COX7B2: variants seen among roughly 807,000 people sequenced by gnomAD.
COX7B2 encodes cytochrome c oxidase subunit 7B2.
For synonymous variants in COX7B2, 37 were observed against 32.1 expected, an observed-to-expected ratio of 1.15 and a Z score of -0.51; for missense variants, 109 against 95.9, an observed-to-expected ratio of 1.14 and a Z score of -0.57.
intron 2 of COX7B2, among the ~76,000 whole-genome samples, chr4:46,800,485 C>T (rs1360551769): frequency 6.6e-6 from 1 of 151,956 alleles, no homozygotes; most frequent in Non-Finnish European, 1.5e-5. Context: ...AACAAATCAT[C>T]AATAAAAAAC....
At position 46,905,814 on chromosome 4, in the gene COX7B2, C is replaced by CTTTTTT. The variant is rs761904309; in HGVS notation, c.-105+3340_-105+3345dup. On this transcript the variant is annotated intron_variant, in intron 1 of 2. Transcript: ENST00000355591. ...TACCATCTCTGATAAGCATATATTT[C>CTTTTTT]TTTTTTTTTTTTTTTTTTTTTTTTT... is the stretch of plus-strand genomic sequence containing the variant. Among the ~76,000 whole-genome samples, 285 of 71,688 alleles carry CTTTTTT rather than the reference C, an allele frequency of 4.0e-3. 55 individuals carry two copies. Among genetic ancestry groups the CTTTTTT allele is most frequent in the East Asian group, 0.037 (78 of 2,082 alleles). 47.0% of individuals were successfully genotyped at this position (71,688 alleles called of 152,430 possible). A position where few individuals can be genotyped will look rare whatever the true frequency, so the allele number is the denominator to read the frequency against.
chr4:46,759,195 T>A (rs900216596), intron 2 of COX7B2, among the ~76,000 whole-genome samples: 11 of 152,162 alleles, frequency 7.2e-5, no homozygotes, highest in Admixed American at 3.3e-4. Flanking sequence ...GAGGAGCTCA[T>A]GGACAAAAGT....
chr4:46,772,697 C>T (rs1716942891), intron 2 of COX7B2, among the ~76,000 whole-genome samples: 1 of 151,812 alleles, frequency 6.6e-6, no homozygotes, highest in African/African-American at 2.4e-5. Flanking sequence ...AATCTAGTAC[C>T]TGATTCTCAT....
chr4:46,885,634 C>T lies in COX7B2; in HGVS notation c.-105+23526G>A, dbSNP rs115617274. On this transcript the variant is annotated intron_variant, in intron 1 of 2. Transcript: ENST00000355591. ...AGACATAAATATGAACAAGATACAA[C>T]CTTTCTCTTCAACAATTTAAAAATC... Among the ~76,000 whole-genome samples, 399 of 152,218 alleles carry T rather than the reference C, an allele frequency of 2.6e-3. 1 individual carries two copies. The highest frequency in any genetic ancestry group is 9.1e-3 in the African/African-American group (378 of 41,562).
chr4:46,841,335 CTGTGTGTG>C lies in COX7B2; in HGVS notation c.-50+3617_-50+3624del, dbSNP rs145768502. ...AAAGAGCCCACTTACCAAATGTGCT[CTGTGTGTG>C]TGTGTGTGTGTGTGTGTGTGTGTGT... On this transcript the variant is annotated intron_variant, in intron 2 of 2. Transcript: ENST00000355591. Among the ~76,000 whole-genome samples, 508 of 139,882 alleles carry C rather than the reference CTGTGTGTG, an allele frequency of 3.6e-3. 2 individuals carry two copies. The highest frequency in any genetic ancestry group is 0.01 in the African/African-American group (384 of 37,306). The allele number at this position is 139,882 out of a possible 152,430, so 91.8% of individuals were successfully genotyped here. A position where few individuals can be genotyped will look rare whatever the true frequency, so the allele number is the denominator to read the frequency against.
chr4:46,826,413 T>C (rs1238755285), intron 2 of COX7B2, among the ~76,000 whole-genome samples: 3 of 152,138 alleles, frequency 2.0e-5, no homozygotes, highest in African/African-American at 7.2e-5. Flanking sequence ...GCTTATACGC[T>C]GTTGGTGGGA....
At chr4:46,783,094 G>T (rs147536517) in intron 2 of COX7B2, among the ~76,000 whole-genome samples, 265 of 152,292 alleles carry the variant, frequency 1.7e-3, no homozygotes, top group African/African-American at 6.2e-3. Flanking sequence ...TAAAAATGGG[G>T]TACATGAAAA....
At chr4:46,744,713 A>G (rs963177271) in intron 2 of COX7B2, among the ~76,000 whole-genome samples, 1 of 150,316 alleles carries the variant, frequency 6.7e-6, no homozygotes, top group East Asian at 2.0e-4. Context: ...GGCCTGTTTA[A>G]CTTTTAGATA....
intron 2 of COX7B2, among the ~76,000 whole-genome samples, chr4:46,766,068 A>AACACAAAGGAT (rs1716516686): frequency 3.9e-5 from 6 of 152,226 alleles, no homozygotes; most frequent in African/African-American, 1.4e-4. Flanking sequence ...GCACTCAGCC[A>AACACAAAGGAT]GACCCTGTTT....
intron 2 of COX7B2, among the ~76,000 whole-genome samples, chr4:46,797,818 G>A (rs1186630870): frequency 6.6e-6 from 1 of 152,122 alleles, no homozygotes; most frequent in East Asian, 1.9e-4. Flanking sequence ...GCATTGCTTG[G>A]GCAAATAACA....
intron 2 of COX7B2, among the ~76,000 whole-genome samples, chr4:46,764,679 CAAAAA>C (rs11357133): frequency 3.1e-5 from 4 of 129,070 alleles, no homozygotes; most frequent in Admixed American, 7.7e-5. Flanking sequence ...GACTCCGCCT[CAAAAA>C]AAAAAAAAAA....
intron 1 of COX7B2, among the ~76,000 whole-genome samples, chr4:46,891,128 A>G (rs548338567): frequency 6.6e-6 from 1 of 152,344 alleles, no homozygotes; most frequent in East Asian, 1.9e-4. Flanking sequence ...AGATTATCCC[A>G]AAATTTCTCA....
At chr4:46,864,644 T>TTTTG (rs57824496) in intron 1 of COX7B2, among the ~76,000 whole-genome samples, 9,389 of 149,202 alleles carry the variant, frequency 0.063, 358 homozygotes, top group South Asian at 0.16. Flanking sequence ...CAGAGTTGTT[T>TTTTG]TTTGTTTGTT....
chr4:46,743,710 T>C (rs116690920), intron 2 of COX7B2, among the ~76,000 whole-genome samples: 2,484 of 152,322 alleles, frequency 0.016, 54 homozygotes, highest in African/African-American at 0.043. Flanking sequence ...ACAGTGATTC[T>C]TTGAGAGGGA....
At chr4:46,815,041 C>A (rs536740549) in intron 2 of COX7B2, among the ~76,000 whole-genome samples, 1 of 152,032 alleles carries the variant, frequency 6.6e-6, no homozygotes, top group Non-Finnish European at 1.5e-5. Context: ...CAAAAATTAG[C>A]CAGGCGTGGT....
intron 2 of COX7B2, among the ~76,000 whole-genome samples, chr4:46,777,659 C>G (rs1481592957): frequency 6.6e-6 from 1 of 152,076 alleles, no homozygotes; most frequent in Admixed American, 6.6e-5. Context: ...GTTATGAAGG[C>G]TGGCAGCAAG....
At chr4:46,786,900 G>T (rs768158447) in intron 2 of COX7B2, among the ~76,000 whole-genome samples, 1 of 152,094 alleles carries the variant, frequency 6.6e-6, no homozygotes, top group Non-Finnish European at 1.5e-5. Context: ...TTTGAATCTG[G>T]GCAAAGAACC....
chr4:46,820,248 A>T (rs985001536), intron 2 of COX7B2, among the ~76,000 whole-genome samples: 2 of 152,166 alleles, frequency 1.3e-5, no homozygotes, highest in African/African-American at 2.4e-5. Flanking sequence ...ATTATCAGGC[A>T]TTAGATTCTC....
At chr4:46,849,545 G>C (rs1424936689) in intron 1 of COX7B2, among the ~76,000 whole-genome samples, 2 of 152,046 alleles carry the variant, frequency 1.3e-5, no homozygotes, top group Non-Finnish European at 2.9e-5. Context: ...AAAATGATTT[G>C]AGGTGGCTTG....
Sources: gnomAD v4.1 joint callset for allele counts (sites outside exome capture counted in the v4.1 genomes callset) on GRCh38, gnomAD v4.1.1 for gene constraint, MANE v1.5 for transcripts, NCBI Gene and HGNC (gene_info 2026-07-23, HGNC 2026-07-21) for gene names.